Variants in SPG7 observed in about 807,000 individuals in gnomAD.
SPG7 encodes SPG7 matrix AAA peptidase subunit, paraplegin, also known as mitochondrial inner membrane m-AAA protease component paraplegin.
A neutral mutation model predicts 81.9 loss-of-function variants in SPG7; 103 were observed. That is an observed-to-expected ratio of 1.26 (90% CI 1.07 to 1.48). The LOEUF (loss-of-function observed/expected upper bound fraction) is 1.48. SPG7 is among the 40% of genes most tolerant of loss of function. SPG7 has a pLI of 0.00. For synonymous variants in SPG7, 534 were observed against 444.2 expected, an observed-to-expected ratio of 1.20 and a Z score of -2.54; for missense variants, 1,241 against 1,087.3, an observed-to-expected ratio of 1.14 and a Z score of -1.99.
intron 9 of SPG7, among the ~76,000 whole-genome samples, chr16:89,534,147 C>G (rs1042726163): frequency 6.6e-6 from 1 of 152,214 alleles, no homozygotes; most frequent in Non-Finnish European, 1.5e-5. Context: ...AAAACCTGTC[C>G]CCATTCAACC....
At chr16:89,555,996 C>T in intron 16 of SPG7, 1 of 398,784 alleles carries the variant, frequency 2.5e-6, no homozygotes, top group Admixed American at 4.4e-5. Flanking sequence ...GCAGGCCTGC[C>T]TGTGGACCCA....
chr16:89,532,757 G>C, intron 9 of SPG7, 121 bp downstream of exon 9: 5 of 1,223,572 alleles, frequency 4.1e-6, no homozygotes, highest in Non-Finnish European at 5.8e-6. Context: ...GTGACAGAGT[G>C]AGACTCTGTC....
In SPG7 at chr16:89,532,488, C is replaced by T. The variant is rs115340463; in HGVS notation, c.1176C>T (p.Ser392=). Reference sequence around the variant, plus strand: ...GCCTCGGCGCTGCCCGTGTGCGGAGCCTCTTTAAGGAAGCCCGAGCCCGGG... The same window carrying T: ...GCCTCGGCGCTGCCCGTGTGCGGAGTCTCTTTAAGGAAGCCCGAGCCCGGG... ...IGGLGAARVR[S]LFKEARARAP... The change falls in exon 9 of 17, where the codon AGC becomes AGT. Residue 392 remains serine, a synonymous_variant. Coordinates refer to ENST00000645818, the MANE Select transcript of SPG7 (RefSeq NM_003119.4). 5 of 1,613,604 alleles carry T rather than the reference C, an allele frequency of 3.1e-6. No individual in the cohort carries two copies. In the East Asian group the frequency reaches 8.9e-5, roughly 29 times the overall value.
intron 1 of SPG7, among the ~76,000 whole-genome samples, chr16:89,510,046 C>T (rs1597600007): frequency 6.6e-6 from 1 of 152,038 alleles, no homozygotes; most frequent in South Asian, 2.1e-4. Context: ...GCTATCTCGG[C>T]TTACTGCAAC....
intron 2 of SPG7, among the ~76,000 whole-genome samples, chr16:89,512,158 G>A (rs986298500): frequency 8.5e-5 from 13 of 152,064 alleles, no homozygotes; most frequent in African/African-American, 2.7e-4. Flanking sequence ...TGATCCACCC[G>A]ACTCGGCCTC....
intron 5 of SPG7, chr16:89,529,037 C>T (rs1171273507): frequency 2.2e-5 from 6 of 273,196 alleles, no homozygotes; most frequent in Non-Finnish European, 2.9e-5. Context: ...TGGTCTCAAA[C>T]TCCTGACCTT....
At chr16:89,544,916 G>A (rs1451794262) in intron 10 of SPG7, 144 bp downstream of exon 10, 11 of 977,322 alleles carry the variant, frequency 1.1e-5, no homozygotes, top group Admixed American at 3.9e-5. Flanking sequence ...CGTGGCCCCC[G>A]CATCGGCTGC....
intron 9 of SPG7, among the ~76,000 whole-genome samples, chr16:89,542,464 C>T (rs1022620977): frequency 5.3e-5 from 8 of 152,298 alleles, no homozygotes; most frequent in South Asian, 2.1e-4. Context: ...TTTGCCTTGG[C>T]GAGGTGATTC....
At chr16:89,526,637 T>C (rs2058264110) in intron 5 of SPG7, 169 bp downstream of exon 5, 1 of 725,152 alleles carries the variant, frequency 1.4e-6, no homozygotes, top group African/African-American at 1.8e-5. Flanking sequence ...CCAGGAGATT[T>C]GGAAATATAG....
intron 9 of SPG7, among the ~76,000 whole-genome samples, chr16:89,536,609 T>TGGGTGAGGCGGGTGAGGGC (rs1567919073): frequency 2.9e-5 from 1 of 34,506 alleles, no homozygotes; most frequent in African/African-American, 1.2e-4. Flanking sequence ...TGAGGTGAGG[T>TGGGTGAGGCGGGTGAGGGC]GGGTGAGGCG....
intron 3 of SPG7, chr16:89,523,570 C>T (rs948004731): frequency 1.8e-5 from 7 of 382,620 alleles, no homozygotes; most frequent in East Asian, 1.4e-4. Context: ...TGTGACGGCT[C>T]GGACGGCCTG....
chr16:89,533,210 C>A (rs1044010049), intron 9 of SPG7: 5 of 157,178 alleles, frequency 3.2e-5, no homozygotes, highest in Admixed American at 3.1e-4. Flanking sequence ...CTCTCTCTCC[C>A]AGGCTGGAGC....
At chr16:89,554,733 T>TA (rs2058670070) in intron 16 of SPG7, 170 bp downstream of exon 16, 2 of 627,386 alleles carry the variant, frequency 3.2e-6, no homozygotes, top group Non-Finnish European at 5.8e-6. Flanking sequence ...CCATACTTTT[T>TA]ATCCTGAACT....
At chr16:89,544,951 G>T in intron 10 of SPG7, 179 bp downstream of exon 10, 1 of 719,726 alleles carries the variant, frequency 1.4e-6, no homozygotes, top group Non-Finnish European at 2.4e-6. Context: ...CCTGCCCACC[G>T]GCTGCACTCA....
chr16:89,534,076 A>G (rs1280270041), intron 9 of SPG7, among the ~76,000 whole-genome samples: 2 of 152,178 alleles, frequency 1.3e-5, no homozygotes, highest in South Asian at 4.1e-4. Context: ...GACATTCAGT[A>G]TATTCGCACT....
chr16:89,516,542 C>T (rs952127455), intron 3 of SPG7, among the ~76,000 whole-genome samples: 1 of 151,972 alleles, frequency 6.6e-6, no homozygotes, highest in African/African-American at 2.4e-5. Flanking sequence ...TAGAGTGAGA[C>T]CTTTCTGTCT....
At chr16:89,531,716 C>G (rs2058344612) in intron 7 of SPG7, 188 bp from the exon 8 acceptor site, 4 of 636,974 alleles carry the variant, frequency 6.3e-6, no homozygotes, top group Non-Finnish European at 1.1e-5. Context: ...TGCCACATGC[C>G]TGTATATTCC....
chr16:89,537,508 G>A (rs549502112), intron 9 of SPG7: 54 of 994,080 alleles, frequency 5.4e-5, no homozygotes, highest in Non-Finnish European at 6.5e-5. Flanking sequence ...ACACAGAAAA[G>A]GCTGCTGTGA....
intron 3 of SPG7, chr16:89,522,240 T>C (rs1291419696): frequency 6.6e-6 from 1 of 152,246 alleles, no homozygotes; most frequent in Non-Finnish European, 1.5e-5. Context: ...ACCTTTTTAG[T>C]GGGTTTCATT....
Sources: allele counts gnomAD v4.1 joint callset (sites outside exome capture counted in the v4.1 genomes callset), GRCh38; gene constraint gnomAD v4.1.1; transcripts MANE v1.5; gene names NCBI Gene and HGNC (gene_info 2026-07-23, HGNC 2026-07-21).